ERC1: variants seen among roughly 807,000 people sequenced by gnomAD.
ERC1 encodes the protein RAB6 interacting protein 2.
In ERC1, 56 loss-of-function variants were observed where a neutral mutation model predicts 132.0. The ratio of observed to expected loss-of-function variants is 0.42; its 90% CI spans 0.34 to 0.53. ERC1 has a LOEUF of 0.53. Among genes scored for constraint, ERC1 ranks in the 20% least tolerant of loss-of-function variants. The pLI is 0.03. For missense variants in ERC1, 1,202 were observed against 1,349.9 expected (o/e 0.89, Z 1.72); for synonymous variants, 478 against 476.1 (o/e 1.00, Z -0.05).
At chr12:1,351,911 ATATT>A (rs1173019779) in intron 15 of ERC1, among the ~76,000 whole-genome samples, 3 of 152,094 alleles carry the variant, frequency 2.0e-5, no homozygotes, top group Non-Finnish European at 4.4e-5. Flanking sequence ...TAATATTTGA[ATATT>A]TAAACACATA....
chr12:1,249,111 T>G (rs1230851478), intron 13 of ERC1, among the ~76,000 whole-genome samples: 1 of 152,150 alleles, frequency 6.6e-6, no homozygotes, highest in Non-Finnish European at 1.5e-5. Context: ...AGTCTGGACT[T>G]GAACTCCTGG....
chr12:1,428,117 A>T (rs754152401), intron 17 of ERC1, among the ~76,000 whole-genome samples: 1 of 152,132 alleles, frequency 6.6e-6, no homozygotes, highest in Non-Finnish European at 1.5e-5. Flanking sequence ...GATTATGGGC[A>T]TTTTACTAAT....
At position 1,394,036 on chromosome 12, in the gene ERC1, A is replaced by AAC. The variant is rs1566757741; in HGVS notation, c.2926-14112_2926-14111insCA. Reference sequence around the variant, plus strand: ...GTCTCAAAAAAAAAAAAAAAAAACAAAAAAAAAACCACAAAGCATTAAGCA... The same window carrying AAC: ...GTCTCAAAAAAAAAAAAAAAAAACAAACAAAAAAAACCACAAAGCATTAAGCA... On this transcript the variant is annotated intron_variant, in intron 16 of 18. Transcript: ENST00000360905. 6.3e-3 allele frequency among the ~76,000 whole-genome samples: 747 copies of AAC among 118,470 alleles called. 46 individuals are homozygous for AAC. The highest frequency in any genetic ancestry group is 0.024 in the African/African-American group (728 of 30,210). The allele number at this position is 118,470 out of a possible 152,430, so 77.7% of individuals were successfully genotyped here. A position where few individuals can be genotyped will look rare whatever the true frequency, so the allele number is the denominator to read the frequency against.
intron 17 of ERC1, among the ~76,000 whole-genome samples, chr12:1,416,917 A>G (rs1386999366): frequency 2.0e-5 from 3 of 152,126 alleles, no homozygotes; most frequent in African/African-American, 7.3e-5. Context: ...GACCACTTAT[A>G]GCATTAATAC....
At chr12:1,311,997 T>A (rs190232739) in intron 15 of ERC1, among the ~76,000 whole-genome samples, 1 of 152,220 alleles carries the variant, frequency 6.6e-6, no homozygotes, top group Non-Finnish European at 1.5e-5. Context: ...GAAAACTATG[T>A]CCCCATTTTT....
intron 15 of ERC1, among the ~76,000 whole-genome samples, chr12:1,371,456 C>A (rs1312995038): frequency 6.6e-6 from 1 of 152,198 alleles, no homozygotes; most frequent in Non-Finnish European, 1.5e-5. Flanking sequence ...CTCTGAAAGT[C>A]TTGGTTTTAT....
At chr12:1,378,931 A>G (rs116899757) in intron 16 of ERC1, among the ~76,000 whole-genome samples, 297 of 152,290 alleles carry the variant, frequency 2.0e-3, no homozygotes, top group Non-Finnish European at 3.7e-3. Flanking sequence ...GGTTTTGACA[A>G]ATACACTATC....
chr12:1,267,259 C>T (rs1002545872), intron 14 of ERC1, among the ~76,000 whole-genome samples: 1 of 152,172 alleles, frequency 6.6e-6, no homozygotes, highest in Non-Finnish European at 1.5e-5. Context: ...TCCCTTTCCA[C>T]GTGGGGATTC....
At chr12:1,161,961 T>C (rs1015497079) in intron 8 of ERC1, among the ~76,000 whole-genome samples, 1 of 152,134 alleles carries the variant, frequency 6.6e-6, no homozygotes, top group Non-Finnish European at 1.5e-5. Context: ...TATCTAGATA[T>C]ACTTAAAAGA....
At chr12:1,481,839 C>CTG (rs1461517444) in intron 18 of ERC1, among the ~76,000 whole-genome samples, 1 of 152,150 alleles carries the variant, frequency 6.6e-6, no homozygotes, top group Non-Finnish European at 1.5e-5. Flanking sequence ...CGCTAAATCA[C>CTG]TGTCCCCCTT....
intron 18 of ERC1, among the ~76,000 whole-genome samples, chr12:1,459,880 A>G (rs1227443944): frequency 1.3e-5 from 2 of 152,216 alleles, no homozygotes; most frequent in East Asian, 3.8e-4. Flanking sequence ...TTGCCAAACA[A>G]TCACCTGAAT....
intron 6 of ERC1, among the ~76,000 whole-genome samples, chr12:1,114,985 A>G (rs1215219320): frequency 6.6e-6 from 1 of 152,216 alleles, no homozygotes; most frequent in Non-Finnish European, 1.5e-5. Flanking sequence ...TTACAATTAC[A>G]ATACTTTAGA....
chr12:1,243,174 A>G (rs7304037), intron 13 of ERC1, among the ~76,000 whole-genome samples: 3,649 of 149,652 alleles, frequency 0.024, 148 homozygotes, highest in African/African-American at 0.085. Context: ...GGCCTGGGCG[A>G]CAGAGCGAGA....
intron 3 of ERC1, among the ~76,000 whole-genome samples, chr12:1,095,252 A>G (rs188719060): frequency 1.1e-4 from 17 of 152,178 alleles, no homozygotes; most frequent in African/African-American, 3.6e-4. Context: ...CAACATGCTG[A>G]AATGCCGTCT....
At chr12:1,477,837 C>A (rs2094004780) in intron 18 of ERC1, among the ~76,000 whole-genome samples, 1 of 152,184 alleles carries the variant, frequency 6.6e-6, no homozygotes, top group Non-Finnish European at 1.5e-5. Flanking sequence ...TTTAAACTTT[C>A]TATGCCTGGA....
chr12:1,093,631 A>G (rs1943534826), intron 3 of ERC1, among the ~76,000 whole-genome samples: 1 of 152,164 alleles, frequency 6.6e-6, no homozygotes, highest in Non-Finnish European at 1.5e-5. Context: ...GTTTTAAAAC[A>G]TTATTGCAGC....
intron 16 of ERC1, among the ~76,000 whole-genome samples, chr12:1,401,042 TCTC>T (rs1319922299): frequency 3.5e-5 from 5 of 144,120 alleles, no homozygotes; most frequent in Admixed American, 2.2e-4. Flanking sequence ...TTCACGCCAT[TCTC>T]CTGCCTCAGC....
At chr12:1,214,665 TACACACACACACACACAC>T (rs59137347) in intron 12 of ERC1, among the ~76,000 whole-genome samples, 2 of 118,962 alleles carry the variant, frequency 1.7e-5, no homozygotes, top group Non-Finnish European at 4.2e-5. Context: ...TGTGTATACA[TACACACACACACACACAC>T]ACACACACAC....
chr12:1,345,717 A>G (rs1018388690), intron 15 of ERC1, among the ~76,000 whole-genome samples: 2 of 151,710 alleles, frequency 1.3e-5, no homozygotes, highest in Admixed American at 6.6e-5. Context: ...TTATTTTATA[A>G]CTCCCAGGCT....
Sources: allele counts gnomAD v4.1 joint callset (sites outside exome capture counted in the v4.1 genomes callset), GRCh38; gene constraint gnomAD v4.1.1; transcripts MANE v1.5; gene names NCBI Gene and HGNC (gene_info 2026-07-23, HGNC 2026-07-21).